CTF1: variants seen among roughly 807,000 people sequenced by gnomAD.
CTF1 encodes cardiotrophin-1.
A neutral mutation model predicts 10.9 loss-of-function variants in CTF1; 9 were observed. The observed-to-expected ratio is 0.83, with a 90% CI of 0.50 to 1.44. The LOEUF (loss-of-function observed/expected upper bound fraction) is 1.44. Among genes scored for constraint, CTF1 ranks in the 40% most tolerant of loss-of-function variants. The pLI is 0.00. For missense variants in CTF1, 259 were observed against 275.3 expected, an observed-to-expected ratio of 0.94 and a Z score of 0.42; for synonymous variants, 133 against 138.8, an observed-to-expected ratio of 0.96 and a Z score of 0.29.
intron 1 of CTF1, among the ~76,000 whole-genome samples, chr16:30,898,801 G>A (rs543457591): frequency 2.8e-4 from 43 of 151,926 alleles, no homozygotes; most frequent in African/African-American, 4.3e-4. Context: ...TGGGACTACC[G>A]GCATGTGCCA....
intron 2 of CTF1, among the ~76,000 whole-genome samples, chr16:30,901,456 T>G (rs2055399419): frequency 6.6e-6 from 1 of 152,238 alleles, no homozygotes; most frequent in East Asian, 1.9e-4. Flanking sequence ...AACTCTGGTC[T>G]GTAAGGTAAC....
At chr16:30,896,010 G>A (rs2055344509), upstream of CTF1, among the ~76,000 whole-genome samples, 1 of 141,920 alleles carries the variant, frequency 7.0e-6, no homozygotes. Context: ...TGGGGTTGAC[G>A]TATGGGTGTG....
chr16:30,899,744 G>T (rs985233803), intron 2 of CTF1, among the ~76,000 whole-genome samples: 2 of 152,118 alleles, frequency 1.3e-5, no homozygotes, highest in Non-Finnish European at 2.9e-5. Context: ...CCAGCTTAGA[G>T]GCACCCTCCT....
At position 30,902,135 on chromosome 16, in the gene CTF1, G is replaced by A. The variant is rs1249665393; in HGVS notation, c.202G>A (p.Val68Met). 4.3e-6 allele frequency: 6 copies of A among 1,408,116 alleles called. No individual in the cohort carries two copies. Among genetic ancestry groups the A allele is most frequent in the African/African-American group, 3.0e-5 (2 of 67,372 alleles). 87.2% of individuals were successfully genotyped at this position (1,408,116 alleles called of 1,614,324 possible). The stretch of plus-strand genomic sequence containing the variant: ...CAGCTTCTCGCCGCCGCGGCTGCCG[G>A]TGGCCGGCCTGAGCGCCCCGGCTCC... ...LPSFSPPRLP[V>M]AGLSAPAPSH... Residue 68 changes from valine to methionine, a missense_variant, in exon 3 of 3, where the codon GTG (valine) becomes ATG (methionine). By Grantham distance (21) the Val-to-Met change is conservative (BLOSUM62 1). Coordinates refer to ENST00000279804, the MANE Select transcript of CTF1 (RefSeq NM_001330.5).
At chr16:30,901,863 G>A (rs1163446906) in intron 2 of CTF1, among the ~76,000 whole-genome samples, 1 of 151,522 alleles carries the variant, frequency 6.6e-6, no homozygotes, top group Non-Finnish European at 1.5e-5. Flanking sequence ...ACCTAAACTG[G>A]CCCAGTCTGG....
Position 30,902,649 on chromosome 16 carries a change from T to C in CTF1, c.*110T>C. 7.6e-7 allele frequency: 1 copy of C among 1,317,826 alleles called. No individual in the cohort carries two copies. Among genetic ancestry groups the C allele is most frequent in the Non-Finnish European group, 9.8e-7 (1 of 1,024,892 alleles). 81.6% of individuals were successfully genotyped at this position (1,317,826 alleles called of 1,614,324 possible). ...GTCTGTCTGTCTGCTCTTAGCTGTC[T>C]CCATTGCCTCGGCCTTCTTTGCTTT... On this transcript the variant is annotated 3_prime_UTR_variant, in exon 3 of 3. Coordinates refer to ENST00000279804, the MANE Select transcript of CTF1 (RefSeq NM_001330.5).
intron 1 of CTF1, among the ~76,000 whole-genome samples, chr16:30,897,017 G>A (rs1034631258): frequency 3.3e-5 from 5 of 151,900 alleles, no homozygotes; most frequent in African/African-American, 9.7e-5. Context: ...GAAGGAAGGG[G>A]TAGAGTAAGG....
Position 30,896,648 on chromosome 16 carries a change from G to A in CTF1, c.5G>A (p.Ser2Asn). The change falls in exon 1 of 3, where the codon AGC (serine) becomes AAC (asparagine). Residue 2 changes from serine (S) to asparagine (N), a missense_variant. Ser to Asn is a conservative substitution (Grantham distance 46). Transcript: ENST00000279804. ...CGGGATCAGCCAGGGGCCAGCATGAGCCGGAGGGAGGGAAGTCTGGGTAAG... is the reference window on the plus strand; with the variant it reads ...CGGGATCAGCCAGGGGCCAGCATGAACCGGAGGGAGGGAAGTCTGGGTAAG... M[S>N]RREGSLEDPQ... 1 of 1,252,616 alleles carries A rather than the reference G, an allele frequency of 8.0e-7. No individual in the cohort carries two copies. The allele number at this position is 1,252,616 out of a possible 1,614,324, so 77.6% of individuals were successfully genotyped here.
In CTF1 at chr16:30,903,541, TAAA is replaced by T. The variant is rs1188638075; in HGVS notation, c.*1006_*1008del. On this transcript the variant is annotated 3_prime_UTR_variant, in exon 3 of 3. Transcript: ENST00000279804. ...TTTTTGTAAATAAAATGTTTAAAAA[TAAA>T]AAAGAAACTAAAGTTACTTGTATAT... 6.6e-6 allele frequency: 1 copy of T among 152,164 alleles called. No homozygotes were observed. Among genetic ancestry groups the T allele is most frequent in the Non-Finnish European group, 1.5e-5 (1 of 68,040 alleles). The allele number at this position is 152,164 out of a possible 1,614,324, so 9.4% of individuals were successfully genotyped here.
intron 1 of CTF1, among the ~76,000 whole-genome samples, chr16:30,897,736 TC>T (rs1329701278): frequency 1.3e-5 from 2 of 152,030 alleles, no homozygotes; most frequent in African/African-American, 2.4e-5. Context: ...ATGCCTGTAG[TC>T]CCAGCTACAC....
Position 30,902,451 on chromosome 16 carries a change from TG to T in CTF1, c.522del (p.Leu175SerfsTer11). 6.8e-7 allele frequency: 1 copy of T among 1,469,230 alleles called. No homozygotes were observed. The allele number at this position is 1,469,230 out of a possible 1,614,324, so 91.0% of individuals were successfully genotyped here. On this transcript the variant is annotated frameshift_variant, in exon 3 of 3. Transcript: ENST00000279804. LOFTEE classifies it high-confidence loss of function. ...ACCGGGGTCTTCCCCGCCAAGGTGC[TG>T]GGGCTCCGCGTTTGCGGCCTCTACC... ...SATGVFPAKV[L>X]GLRVCGLYRE...
chr16:30,902,880 TTGCCCAGGC>T lies in CTF1; in HGVS notation c.*344_*352del. The T allele has an allele frequency of 5.6e-6, 1 of 177,036 alleles. No homozygotes were observed. The highest frequency in any genetic ancestry group is 1.2e-4 in the South Asian group (1 of 8,358). 11.0% of individuals were successfully genotyped at this position (177,036 alleles called of 1,614,324 possible). On this transcript the variant is annotated 3_prime_UTR_variant, in exon 3 of 3. Coordinates refer to ENST00000279804, the MANE Select transcript of CTF1 (RefSeq NM_001330.5). ...TTTGTAGAGACGAGGTTTCGCCATGTTGCCCAGGCTGGTCTTGAACTCCGGGGCTCAAGC... is the reference window on the plus strand; with the variant it reads ...TTTGTAGAGACGAGGTTTCGCCATGTTGGTCTTGAACTCCGGGGCTCAAGC...
Position 30,902,544 on chromosome 16 carries a change from C to G in CTF1, c.*5C>G. On this transcript the variant is annotated 3_prime_UTR_variant, in exon 3 of 3. Transcript: ENST00000279804. ...CTGCCCGGGGGCTCGGCCTGAGCGCCGCGGGGCAGCTCGCCCCGCCTCCTC... is the reference window on the plus strand; with the variant it reads ...CTGCCCGGGGGCTCGGCCTGAGCGCGGCGGGGCAGCTCGCCCCGCCTCCTC... The G allele has an allele frequency of 6.7e-7, 1 of 1,499,702 alleles. No homozygotes were observed. Among genetic ancestry groups the G allele is most frequent in the Non-Finnish European group, 8.9e-7 (1 of 1,129,126 alleles). The allele number at this position is 1,499,702 out of a possible 1,614,324, so 92.9% of individuals were successfully genotyped here.
Position 30,902,562 on chromosome 16 carries a change from G to A in CTF1, c.*23G>A, listed in dbSNP as rs886051926. 1 of 1,490,840 alleles carries A rather than the reference G, an allele frequency of 6.7e-7. No homozygotes were observed. Among genetic ancestry groups the A allele is most frequent in the Non-Finnish European group, 8.9e-7 (1 of 1,123,800 alleles). The allele number at this position is 1,490,840 out of a possible 1,614,324, so 92.4% of individuals were successfully genotyped here. On this transcript the variant is annotated 3_prime_UTR_variant, in exon 3 of 3. Transcript: ENST00000279804. ...TGAGCGCCGCGGGGCAGCTCGCCCC[G>A]CCTCCTCCCGCTGGGTTCCGTCTCT...
chr16:30,896,266 C>A (rs2055347461), upstream of CTF1, among the ~76,000 whole-genome samples: 1 of 152,308 alleles, frequency 6.6e-6, no homozygotes, highest in African/African-American at 2.4e-5. Context: ...AGGGCCTGCG[C>A]ATTCCTGTCC....
At chr16:30,899,601 G>T in intron 2 of CTF1, 68 bp downstream of exon 2, 1 of 923,744 alleles carries the variant, frequency 1.1e-6, no homozygotes. Context: ...AGAGGTCCTC[G>T]ATCACCCATT....
rs538559479 is a variant in CTF1 at position 30,897,458 on chromosome 16, C to T, written c.25+790C>T. Among the ~76,000 whole-genome samples the T allele has an allele frequency of 5.3e-4, 81 of 152,270 alleles. 2 individuals are homozygous for T. Among genetic ancestry groups the T allele is most frequent in the Middle Eastern group, 6.8e-3 (2 of 294 alleles). ...AAGGGCTCTCAGGCTAAGGCAGATA[C>T]ACACAGAAAAGCCGTTAAAAGAGCT... On this transcript the variant is annotated intron_variant, in intron 1 of 2. Coordinates refer to ENST00000279804, the MANE Select transcript of CTF1 (RefSeq NM_001330.5).
At position 30,901,743 on chromosome 16, in the gene CTF1, ATT is replaced by A. The variant is rs757616467; in HGVS notation, c.145-313_145-312del. On this transcript the variant is annotated intron_variant, in intron 2 of 2. Transcript: ENST00000279804. ...ACAGACATGCGCCACCACACTCGCT[ATT>A]TTTTTTTTTTTTTTTTTTTTTAGAG... 9.1e-3 allele frequency among the ~76,000 whole-genome samples: 885 copies of A among 97,770 alleles called. 10 individuals are homozygous for A. Among genetic ancestry groups the A allele is most frequent in the African/African-American group, 0.033 (788 of 24,118 alleles). The allele number at this position is 97,770 out of a possible 152,430, so 64.1% of individuals were successfully genotyped here.
rs2055352729 is a variant in CTF1 at position 30,896,635 on chromosome 16, G to A, written c.-9G>A. On this transcript the variant is annotated 5_prime_UTR_variant, in exon 1 of 3. Coordinates refer to ENST00000279804, the MANE Select transcript of CTF1 (RefSeq NM_001330.5). Reference sequence around the variant, plus strand: ...GCGTGAAGGGAGCCGGGATCAGCCAGGGGCCAGCATGAGCCGGAGGGAGGG... The same window carrying A: ...GCGTGAAGGGAGCCGGGATCAGCCAAGGGCCAGCATGAGCCGGAGGGAGGG... 1 of 1,252,988 alleles carries A rather than the reference G, an allele frequency of 8.0e-7. No homozygotes were observed. Among genetic ancestry groups the A allele is most frequent in the East Asian group, 3.1e-5 (1 of 31,756 alleles). 77.6% of individuals were successfully genotyped at this position (1,252,988 alleles called of 1,614,324 possible).
Sources: gnomAD v4.1 joint callset for allele counts (sites outside exome capture counted in the v4.1 genomes callset) on GRCh38, gnomAD v4.1.1 for gene constraint, MANE v1.5 for transcripts, NCBI Gene and HGNC (gene_info 2026-07-23, HGNC 2026-07-21) for gene names.